UST: variants seen among roughly 807,000 people sequenced by gnomAD.
UST encodes chondroitin sulfate 2-O-sulfotransferase.
A neutral mutation model predicts 45.6 loss-of-function variants in UST; 21 were observed. The observed-to-expected ratio is 0.46, with a 90% confidence interval of 0.33 to 0.66. The LOEUF (loss-of-function observed/expected upper bound fraction) is 0.66. UST is among the 30% of genes least tolerant of loss of function. The probability of loss-of-function intolerance (pLI) is 0.02; values close to 1 mark genes in which losing one functional copy is unlikely to be tolerated. For synonymous variants in UST, 215 were observed against 200.6 expected (o/e 1.07, Z -0.61); for missense variants, 463 against 512.4 (o/e 0.90, Z 0.93).
chr6:148,841,077 T>C (rs1183957733), intron 1 of UST, among the ~76,000 whole-genome samples: 2 of 150,642 alleles, frequency 1.3e-5, no homozygotes, highest in Admixed American at 1.3e-4. Flanking sequence ...AACAAAATTG[T>C]AAAATTACAA....
intron 1 of UST, among the ~76,000 whole-genome samples, chr6:148,799,761 AG>A: frequency 6.6e-6 from 1 of 152,280 alleles, no homozygotes. Flanking sequence ...AAGCTGATAA[AG>A]CTTGTACTTA....
At chr6:148,834,923 G>T (rs1329156488) in intron 1 of UST, among the ~76,000 whole-genome samples, 2 of 152,266 alleles carry the variant, frequency 1.3e-5, no homozygotes, top group East Asian at 3.9e-4. Context: ...TTAATATGGA[G>T]TGCCCAAAGT....
At chr6:149,022,289 T>C (rs1031249898) in intron 7 of UST, among the ~76,000 whole-genome samples, 9 of 152,208 alleles carry the variant, frequency 5.9e-5, no homozygotes, top group African/African-American at 2.2e-4. Flanking sequence ...GAAGAAGGCA[T>C]TCTGCCCTGT....
chr6:148,806,138 C>G (rs1490554100), intron 1 of UST, among the ~76,000 whole-genome samples: 4 of 151,836 alleles, frequency 2.6e-5, no homozygotes, highest in Non-Finnish European at 5.9e-5. Flanking sequence ...TGAAAGTAGC[C>G]CGTGCTTTAC....
At chr6:148,876,751 T>C (rs1291194077) in intron 1 of UST, among the ~76,000 whole-genome samples, 1 of 151,910 alleles carries the variant, frequency 6.6e-6, no homozygotes, top group Non-Finnish European at 1.5e-5. Context: ...TCTTCTTTAT[T>C]CGTTTTGTTG....
chr6:149,069,258 A>G (rs1776785886), intron 7 of UST, among the ~76,000 whole-genome samples: 1 of 152,206 alleles, frequency 6.6e-6, no homozygotes, highest in Non-Finnish European at 1.5e-5. Context: ...GGATAGATAC[A>G]TAGTAGAAGG....
intron 7 of UST, among the ~76,000 whole-genome samples, chr6:149,069,409 T>A (rs1004283317): frequency 1.3e-5 from 2 of 152,226 alleles, no homozygotes; most frequent in East Asian, 3.8e-4. Context: ...CATCTGTTAT[T>A]TATTGGCTTT....
chr6:149,023,002 G>A (rs190429255), intron 7 of UST, among the ~76,000 whole-genome samples: 7 of 152,230 alleles, frequency 4.6e-5, no homozygotes, highest in African/African-American at 1.7e-4. Flanking sequence ...CATAAACTCC[G>A]TTCTTTGTGC....
rs375623160 is a variant in UST, at chr6:149,011,930, A to G, written c.682-7209A>G. Reference sequence around the variant, plus strand: ...AAAAGAAACGAAATAATTAAAGTAAAGTTGGCATTATGTCTCACTTATCCA... The same window carrying G: ...AAAAGAAACGAAATAATTAAAGTAAGGTTGGCATTATGTCTCACTTATCCA... On this transcript the variant is annotated intron_variant, in intron 5 of 7. Transcript: ENST00000367463. 7.6e-3 allele frequency among the ~76,000 whole-genome samples: 1,058 copies of G among 139,558 alleles called. 13 individuals are homozygous for G. Among genetic ancestry groups the G allele is most frequent in the African/African-American group, 0.027 (1,011 of 37,996 alleles). 91.6% of individuals were successfully genotyped at this position (139,558 alleles called of 152,430 possible).
chr6:149,060,017 G>A (rs1776629865), intron 7 of UST, among the ~76,000 whole-genome samples: 2 of 152,092 alleles, frequency 1.3e-5, no homozygotes, highest in South Asian at 4.1e-4. Context: ...TCCTTTTACT[G>A]TGTTCCCTGC....
chr6:148,772,287 T>A (rs1042329842), intron 1 of UST, among the ~76,000 whole-genome samples: 2 of 152,200 alleles, frequency 1.3e-5, no homozygotes, highest in Non-Finnish European at 2.9e-5. Context: ...GCCCAAGGTA[T>A]AACAAATCAG....
At chr6:148,954,431 C>T (rs1187229545) in intron 4 of UST, among the ~76,000 whole-genome samples, 2 of 152,118 alleles carry the variant, frequency 1.3e-5, no homozygotes, top group Non-Finnish European at 2.9e-5. Context: ...CAATGACAGA[C>T]CTCATATATA....
chr6:148,864,054 T>C (rs964134444), intron 1 of UST, among the ~76,000 whole-genome samples: 4 of 152,228 alleles, frequency 2.6e-5, no homozygotes, highest in African/African-American at 9.6e-5. Flanking sequence ...CGTTTAAGTC[T>C]GCAGAGGTTT....
chr6:148,807,160 A>G (rs1242355867), intron 1 of UST, among the ~76,000 whole-genome samples: 1 of 152,208 alleles, frequency 6.6e-6, no homozygotes, highest in Non-Finnish European at 1.5e-5. Context: ...AGCCTAGAAA[A>G]TACCTCTCTT....
intron 1 of UST, among the ~76,000 whole-genome samples, chr6:148,797,996 TG>T (rs1776984473): frequency 6.6e-6 from 1 of 152,094 alleles, no homozygotes; most frequent in East Asian, 1.9e-4. Flanking sequence ...GCAAACCATT[TG>T]AAGTAGGTGG....
Position 149,073,853 on chromosome 6 carries a change from A to G in UST, c.958A>G (p.Met320Val). ...KDPEHRKLGN[M>V]TVTVKKTVPS... Reference sequence around the variant, plus strand: ...TCCAGAGCACAGGAAGCTTGGAAACATGACTGTGACGGTGAAGAAGACTGT... The same window carrying G: ...TCCAGAGCACAGGAAGCTTGGAAACGTGACTGTGACGGTGAAGAAGACTGT... Residue 320 changes from methionine (M) to valine (V), a missense_variant, in exon 8 of 8, where the codon ATG (methionine) becomes GTG (valine). Met to Val is a conservative substitution (Grantham distance 21, BLOSUM62 1). This residue lies in a region of UST where 287 missense variants were observed against 374.2 expected (regional missense o/e 0.77). Transcript: ENST00000367463. 1 of 1,613,662 alleles carries G rather than the reference A, an allele frequency of 6.2e-7. No individual in the cohort carries two copies.
intron 1 of UST, among the ~76,000 whole-genome samples, chr6:148,767,379 A>C (rs1023378521): frequency 2.6e-5 from 4 of 152,244 alleles, no homozygotes; most frequent in Admixed American, 6.5e-5. Flanking sequence ...CTATAGTATT[A>C]AAATATAGGC....
rs2114637412 is a variant in UST at position 148,748,250 on chromosome 6, C to G, written c.247+573C>G. On this transcript the variant is annotated intron_variant, in intron 1 of 7. Transcript: ENST00000367463. The surrounding 1 kb of genome is among the most constrained non-coding windows in gnomAD (Gnocchi z 5.3). ...TGTCCCTTGGCTGCCGCTGCCCACC[C>G]CGCCGCCCGCAGCTAGCCTGGCGCG... Among the ~76,000 whole-genome samples the G allele has an allele frequency of 6.6e-6, 1 of 152,174 alleles. No individual in the cohort carries two copies. The highest frequency in any genetic ancestry group is 6.5e-5 in the Admixed American group (1 of 15,282).
intron 5 of UST, among the ~76,000 whole-genome samples, chr6:148,976,353 T>C (rs78637378): frequency 0.015 from 2,296 of 152,280 alleles, 55 homozygotes; most frequent in African/African-American, 0.051. Flanking sequence ...ACTACGAACA[T>C]GACATCACTG....
Sources: gnomAD v4.1 joint callset for allele counts (sites outside exome capture counted in the v4.1 genomes callset) on GRCh38, gnomAD v4.1.1 for gene constraint, gnomAD v4.1.1 regional missense constraint, Gnocchi (gnomAD v3.1) non-coding constraint, MANE v1.5 for transcripts, NCBI Gene and HGNC (gene_info 2026-07-23, HGNC 2026-07-21) for gene names.